The following CMTM8 variants were observed in gnomAD, a reference collection of about 807,000 sequenced individuals.
The protein encoded by CMTM8 is CKLF-like MARVEL transmembrane domain-containing protein 8.
A neutral mutation model predicts 18.6 loss-of-function variants in CMTM8; 12 were observed. That is an observed-to-expected ratio of 0.65 (90% CI 0.41 to 1.05). CMTM8 has a LOEUF of 1.05. Ranked by LOEUF, CMTM8 falls within the 50% of genes least tolerant of loss-of-function variation. CMTM8 has a pLI of 0.00. For missense variants in CMTM8, 217 were observed against 227.2 expected (o/e 0.95, Z 0.29); for synonymous variants, 87 against 90.6 (o/e 0.96, Z 0.23).
chr3:32,311,102 G>A (rs1575170726), intron 1 of CMTM8, among the ~76,000 whole-genome samples: 1 of 152,176 alleles, frequency 6.6e-6, no homozygotes, highest in Admixed American at 6.5e-5. Flanking sequence ...GAGTATATAC[G>A]GTATCGGGGA....
At position 32,367,896 on chromosome 3, in the gene CMTM8, T is replaced by C. The variant is rs1247882690; in HGVS notation, c.346T>C (p.Phe116Leu). The C allele has an allele frequency of 6.2e-7, 1 of 1,613,970 alleles. No individual in the cohort carries two copies. The highest frequency in any genetic ancestry group is 1.1e-5 in the South Asian group (1 of 91,076). ...GGGCCTGTGCTTTAACGGCAGTGCC[T>C]TCGTCTTGTACCTCTCTGCCGCTGT... ...TVGLCFNGSA[F>L]VLYLSAAVVD... The change falls in exon 3 of 4, where the codon TTC becomes CTC. Residue 116 changes from phenylalanine to leucine, a missense_variant. Coordinates refer to ENST00000307526, the MANE Select transcript of CMTM8 (RefSeq NM_178868.5).
chr3:32,367,187 C>T (rs1473263350), intron 2 of CMTM8, among the ~76,000 whole-genome samples: 2 of 152,226 alleles, frequency 1.3e-5, no homozygotes, highest in Non-Finnish European at 2.9e-5. Flanking sequence ...AGGCAGGACC[C>T]AGCTTTGCAT....
chr3:32,246,652 C>G (rs1409917450), intron 1 of CMTM8, among the ~76,000 whole-genome samples: 1 of 152,136 alleles, frequency 6.6e-6, no homozygotes, highest in Non-Finnish European at 1.5e-5. Flanking sequence ...CATAGTATTC[C>G]ATAAATATCC....
chr3:32,260,148 C>G (rs1386414449), intron 1 of CMTM8: 22 of 1,126,744 alleles, frequency 2.0e-5, no homozygotes, highest in Non-Finnish European at 2.4e-5. Flanking sequence ...TCCATGCAAA[C>G]CATCCAAAAG....
intron 1 of CMTM8, among the ~76,000 whole-genome samples, chr3:32,294,385 T>C (rs564779680): frequency 9.8e-5 from 15 of 152,354 alleles, no homozygotes; most frequent in Non-Finnish European, 2.2e-4. Context: ...CGTTTTCCGA[T>C]TATGCTTTAC....
At chr3:32,296,611 A>C (rs1474574402) in intron 1 of CMTM8, among the ~76,000 whole-genome samples, 1 of 152,186 alleles carries the variant, frequency 6.6e-6, no homozygotes, top group Non-Finnish European at 1.5e-5. Flanking sequence ...ATCACTTACC[A>C]TTCTGGGGCA....
intron 1 of CMTM8, among the ~76,000 whole-genome samples, chr3:32,316,637 T>C (rs1695937771): frequency 6.6e-6 from 1 of 151,634 alleles, no homozygotes; most frequent in Admixed American, 6.6e-5. Flanking sequence ...AAGTGAAAGC[T>C]GCACATAAAA....
chr3:32,300,340 G>A (rs1325556594), intron 1 of CMTM8, among the ~76,000 whole-genome samples: 3 of 152,186 alleles, frequency 2.0e-5, no homozygotes, highest in Non-Finnish European at 4.4e-5. Context: ...ACCAAACAAG[G>A]TCAGTCAGAT....
At chr3:32,291,529 T>C (rs1287325796) in intron 1 of CMTM8, among the ~76,000 whole-genome samples, 2 of 152,164 alleles carry the variant, frequency 1.3e-5, no homozygotes. Flanking sequence ...TTCTCCCTTA[T>C]ATAAATGAGG....
intron 1 of CMTM8, among the ~76,000 whole-genome samples, chr3:32,293,522 T>C (rs1462392959): frequency 6.6e-5 from 10 of 152,302 alleles, no homozygotes; most frequent in African/African-American, 2.2e-4. Flanking sequence ...CATTCCAGCC[T>C]GGGCAACAGA....
chr3:32,299,553 T>C (rs567011266), intron 1 of CMTM8, among the ~76,000 whole-genome samples: 2 of 152,356 alleles, frequency 1.3e-5, no homozygotes, highest in African/African-American at 4.8e-5. Flanking sequence ...GATGCAGGCA[T>C]GCAGTGCGTA....
At chr3:32,364,947 G>T (rs1176915881) in intron 2 of CMTM8, among the ~76,000 whole-genome samples, 2 of 151,892 alleles carry the variant, frequency 1.3e-5, no homozygotes, top group Non-Finnish European at 2.9e-5. Flanking sequence ...CCTAAAGTGG[G>T]GCTGCTTTTT....
At chr3:32,331,659 G>T (rs1056257382) in intron 1 of CMTM8, among the ~76,000 whole-genome samples, 5 of 151,986 alleles carry the variant, frequency 3.3e-5, no homozygotes, top group Non-Finnish European at 7.4e-5. Context: ...CAGATTAATG[G>T]GTAAACAAAA....
chr3:32,332,688 G>A (rs1696303839), intron 1 of CMTM8, among the ~76,000 whole-genome samples: 1 of 152,128 alleles, frequency 6.6e-6, no homozygotes, highest in African/African-American at 2.4e-5. Context: ...TGAAAATAGA[G>A]ACCACTCGAT....
At chr3:32,342,043 T>C (rs1167365356) in intron 1 of CMTM8, among the ~76,000 whole-genome samples, 1 of 151,594 alleles carries the variant, frequency 6.6e-6, no homozygotes, top group Admixed American at 6.6e-5. Context: ...AGGTCAGGAG[T>C]TTGAGACCAG....
chr3:32,367,856 C>T lies in CMTM8; in HGVS notation c.322-16C>T, dbSNP rs369721912. 117 of 1,578,748 alleles carry T rather than the reference C, an allele frequency of 7.4e-5. No individual in the cohort carries two copies. The highest frequency in any genetic ancestry group is 9.7e-5 in the Non-Finnish European group (112 of 1,148,780). On this transcript the variant is annotated splice_polypyrimidine_tract_variant and intron_variant, in intron 2 of 3. Transcript: ENST00000307526. ...CCTCCCCTCTCCCTAAACACTCTGC[C>T]CCTGTGTCCCCCCAGGGCCTGTGCT...
intron 1 of CMTM8, among the ~76,000 whole-genome samples, chr3:32,341,213 C>G (rs1396034191): frequency 6.6e-6 from 1 of 152,216 alleles, no homozygotes; most frequent in Non-Finnish European, 1.5e-5. Flanking sequence ...TGCCGGGCAT[C>G]TTGTTTTGCA....
intron 1 of CMTM8, among the ~76,000 whole-genome samples, chr3:32,298,797 T>TG (rs1461242303): frequency 1.6e-5 from 2 of 124,566 alleles, no homozygotes; most frequent in African/African-American, 6.1e-5. Flanking sequence ...CACACCCAGC[T>TG]AATATATATA....
At chr3:32,286,281 C>A (rs1702684795) in intron 1 of CMTM8, among the ~76,000 whole-genome samples, 1 of 152,030 alleles carries the variant, frequency 6.6e-6, no homozygotes, top group Non-Finnish European at 1.5e-5. Context: ...TTTTTATGAA[C>A]CTGAAATTTG....
Sources: gnomAD v4.1 joint callset for allele counts (sites outside exome capture counted in the v4.1 genomes callset) on GRCh38, gnomAD v4.1.1 for gene constraint, MANE v1.5 for transcripts, NCBI Gene and HGNC (gene_info 2026-07-23, HGNC 2026-07-21) for gene names.